The following CD8A variants were observed in gnomAD, a reference collection of about 807,000 sequenced individuals.
The protein encoded by CD8A is T-cell surface glycoprotein CD8 alpha chain.
In CD8A, 25 loss-of-function variants were observed where a neutral mutation model predicts 24.2. The observed-to-expected ratio is 1.03, with a 90% CI of 0.75 to 1.44. The LOEUF is 1.44. Among genes scored for constraint, CD8A ranks in the 40% most tolerant of loss-of-function variants. The pLI is 0.00. For synonymous variants in CD8A, 165 were observed against 149.9 expected (o/e 1.10, Z -0.74); for missense variants, 360 against 319.7 (o/e 1.13, Z -0.96).
chr2:86,791,178 G>A (rs1433945942), upstream of CD8A: 8 of 512,078 alleles, frequency 1.6e-5, no homozygotes, highest in Admixed American at 1.9e-4. Context: ...GTGGGTGAAG[G>A]GAGACCAAAG....
intron 3 of CD8A, among the ~76,000 whole-genome samples, chr2:86,798,238 C>T (rs374941653): frequency 4.0e-5 from 6 of 151,458 alleles, no homozygotes; most frequent in South Asian, 4.2e-4. Flanking sequence ...TGCAATGGCA[C>T]GATGTTGGCT....
chr2:86,791,143 A>G (rs951019187), upstream of CD8A: 10 of 613,448 alleles, frequency 1.6e-5, no homozygotes, highest in Non-Finnish European at 3.0e-5. Context: ...GTCCTTGGAA[A>G]TGGTTGTCTT....
Position 86,790,658 on chromosome 2 carries a change from G to C in CD8A, c.73C>G (p.Arg25Gly). ...LLHAARPSQF[R>G]VSPLDRTWNL... ...CAGGTCCGATCCAGCGGCGACACCCGGAACTGGCTCGGCCTGGCGGCGTCT... is the reference window on the plus strand; with the variant it reads ...CAGGTCCGATCCAGCGGCGACACCCCGAACTGGCTCGGCCTGGCGGCGTCT... The change falls in exon 2 of 6, where the codon CGG (arginine) becomes GGG (glycine). Residue 25 changes from arginine (R) to glycine (G), a missense_variant. Arg to Gly is a moderately radical substitution (Grantham distance 125). Transcript: ENST00000283635. The C allele has an allele frequency of 6.2e-7, 1 of 1,600,634 alleles. No homozygotes were observed. The highest frequency in any genetic ancestry group is 2.2e-5 in the East Asian group (1 of 44,804).
chr2:86,790,971 A>C, upstream of CD8A: 1 of 823,604 alleles, frequency 1.2e-6, no homozygotes, highest in Non-Finnish European at 2.0e-6. Context: ...ATGTCACCCG[A>C]AGCCCCCGCC....
chr2:86,790,447 C>T lies in CD8A; in HGVS notation c.284G>A (p.Gly95Glu). Residue 95 changes from glycine (G) to glutamate (E), a missense_variant, in exon 2 of 6, where the codon GGG (glycine) becomes GAG (glutamate). Transcript: ENST00000283635. ...GCTCAGGGTGAGGACGAAGGTGTCC[C>T]CCAACCTCTTGCCCGAGAACCGCTG... Reference protein sequence around the residue: ...DTQRFSGKRLGDTFVLTLSDF... With the variant: ...DTQRFSGKRLEDTFVLTLSDF... 6.2e-7 allele frequency: 1 copy of T among 1,614,142 alleles called. No homozygotes were observed. The highest frequency in any genetic ancestry group is 8.5e-7 in the Non-Finnish European group (1 of 1,180,018).
chr2:86,784,668 C>G lies in CD8A; in HGVS notation c.*1252G>C. On this transcript the variant is annotated 3_prime_UTR_variant, in exon 6 of 6. Coordinates refer to ENST00000283635, the MANE Select transcript of CD8A (RefSeq NM_001768.7). ...GTTTATTCATTAAAGCCACTCATAA[C>G]AGCATAGTACAACCCTATTTAAAAA... 2.3e-6 allele frequency: 1 copy of G among 429,654 alleles called. No homozygotes were observed. Among genetic ancestry groups the G allele is most frequent in the Non-Finnish European group, 4.7e-6 (1 of 214,112 alleles). The allele number at this position is 429,654 out of a possible 1,614,324, so 26.6% of individuals were successfully genotyped here. A position where few individuals can be genotyped will look rare whatever the true frequency, so the allele number is the denominator to read the frequency against.
chr2:86,789,616 G>T (rs763132839), intron 3 of CD8A, 24 bp downstream of exon 3: 3 of 1,462,406 alleles, frequency 2.1e-6, no homozygotes, highest in South Asian at 1.3e-5. Context: ...TGCCGCCCCC[G>T]CCCCGGGCCC....
intron 5 of CD8A, 26 bp from the exon 6 acceptor site, chr2:86,785,997 T>C (rs376541351): frequency 7.5e-6 from 12 of 1,606,082 alleles, no homozygotes; most frequent in Admixed American, 5.0e-5. Flanking sequence ...GCGACCATCA[T>C]TGTAGCCAGA....
chr2:86,790,723 C>A (rs779333377), intron 1 of CD8A, 42 bp from the exon 2 acceptor site: 2 of 1,421,552 alleles, frequency 1.4e-6, no homozygotes, highest in South Asian at 2.4e-5. Flanking sequence ...CAGTCCCGCG[C>A]CCCCCGCCCC....
At position 86,789,768 on chromosome 2, in the gene CD8A, C is replaced by T; in HGVS notation, c.404-18G>A. 1 of 1,331,548 alleles carries T rather than the reference C, an allele frequency of 7.5e-7. No homozygotes were observed. Among genetic ancestry groups the T allele is most frequent in the Non-Finnish European group, 9.6e-7 (1 of 1,043,440 alleles). 82.5% of individuals were successfully genotyped at this position (1,331,548 alleles called of 1,614,324 possible). A position where few individuals can be genotyped will look rare whatever the true frequency, so the allele number is the denominator to read the frequency against. The stretch of plus-strand genomic sequence containing the variant: ...GGGCTTCGCTGCAAGAGCAACAGAG[C>T]GTGGTTGGGGGCCAGGCTGGGGTTA... On this transcript the variant is annotated intron_variant, in intron 2 of 5. Transcript: ENST00000283635.
In CD8A at chr2:86,785,837, A is replaced by C. The variant is rs769921616; in HGVS notation, c.*83T>G. Reference sequence around the variant, plus strand: ...TGAGAATGAATACACAGGGAGGAAGACTGGAAAAAATGAAAGGGAAGGACT... The same window carrying C: ...TGAGAATGAATACACAGGGAGGAAGCCTGGAAAAAATGAAAGGGAAGGACT... On this transcript the variant is annotated 3_prime_UTR_variant, in exon 6 of 6. Transcript: ENST00000283635. The C allele has an allele frequency of 9.2e-6, 9 of 974,534 alleles. No individual in the cohort carries two copies. Among genetic ancestry groups the C allele is most frequent in the South Asian group, 6.4e-5 (5 of 78,446 alleles). 60.4% of individuals were successfully genotyped at this position (974,534 alleles called of 1,614,324 possible).
At chr2:86,796,238 G>A (rs1280238681) in intron 3 of CD8A, among the ~76,000 whole-genome samples, 3 of 152,232 alleles carry the variant, frequency 2.0e-5, no homozygotes, top group Non-Finnish European at 2.9e-5. Flanking sequence ...TTAGCATGGT[G>A]AAGTGTTTAA....
chr2:86,790,722 G>GCCCCCC, intron 1 of CD8A, 41 bp from the exon 2 acceptor site: 7 of 1,487,866 alleles, frequency 4.7e-6, no homozygotes, highest in Non-Finnish European at 6.3e-6. Context: ...GCAGTCCCGC[G>GCCCCCC]CCCCCCGCCC....
chr2:86,785,669 C>T lies in CD8A; in HGVS notation c.*251G>A, dbSNP rs1368587716. 2 of 674,402 alleles carry T rather than the reference C, an allele frequency of 3.0e-6. No homozygotes were observed. The highest frequency in any genetic ancestry group is 1.5e-5 in the South Asian group (1 of 66,630). 41.8% of individuals were successfully genotyped at this position (674,402 alleles called of 1,614,324 possible). ...ACTCTGCGGGTAGCTCTGGCCTGCC[C>T]CTTTCCACGCCCTACCGCGATGTGC... On this transcript the variant is annotated 3_prime_UTR_variant, in exon 6 of 6. Transcript: ENST00000283635.
At chr2:86,791,452 G>A (rs1047285385), upstream of CD8A, 2 of 446,614 alleles carry the variant, frequency 4.5e-6, no homozygotes, top group Non-Finnish European at 4.5e-6. Context: ...TTTGGGTGTC[G>A]GTGTCAGTGC....
At chr2:86,793,635 A>G (rs2104447479), upstream of CD8A, among the ~76,000 whole-genome samples, 1 of 152,352 alleles carries the variant, frequency 6.6e-6, no homozygotes, top group Middle Eastern at 3.4e-3. Flanking sequence ...GGCTACAATC[A>G]ACAGGGTGGT....
In CD8A at chr2:86,786,803, G is replaced by A. The variant is rs563842313; in HGVS notation, c.657-832C>T. On this transcript the variant is annotated intron_variant, in intron 5 of 5. Transcript: ENST00000283635. The stretch of plus-strand genomic sequence containing the variant: ...TGGGAGGCCAAGGCGGGCGGATCAC[G>A]AGGTCAGGAGATCGAGACCATCCTG... Among the ~76,000 whole-genome samples, 6 of 151,926 alleles carry A rather than the reference G, an allele frequency of 3.9e-5. No homozygotes were observed. The South Asian group carries it at 8.3e-4, about 21-fold the overall frequency.
chr2:86,789,777 G>C (rs1673192521), intron 2 of CD8A, 27 bp from the exon 3 acceptor site: 1 of 1,296,556 alleles, frequency 7.7e-7, no homozygotes, highest in Non-Finnish European at 9.8e-7. Flanking sequence ...GCGTGGTTGG[G>C]GGCCAGGCTG....
chr2:86,791,101 G>C, upstream of CD8A: 2 of 691,236 alleles, frequency 2.9e-6, no homozygotes, highest in Non-Finnish European at 5.3e-6. Flanking sequence ...GAAAACTGCG[G>C]GTTTGGGGAT....
Sources: gnomAD v4.1 joint callset for allele counts (sites outside exome capture counted in the v4.1 genomes callset) on GRCh38, gnomAD v4.1.1 for gene constraint, MANE v1.5 for transcripts, NCBI Gene and HGNC (gene_info 2026-07-23, HGNC 2026-07-21) for gene names.